Variants in FGFR1 observed in about 807,000 individuals in gnomAD.
FGFR1 encodes fibroblast growth factor receptor 1.
FGFR1 carries 18 observed loss-of-function variants against 93.7 expected under a neutral mutation model. That is an observed-to-expected ratio of 0.19 (90% confidence interval 0.13 to 0.28). FGFR1 has a LOEUF of 0.28. Ranked by LOEUF, FGFR1 falls within the 10% of genes least tolerant of loss-of-function variation. The pLI, the probability that FGFR1 is intolerant of heterozygous loss-of-function variation, is 1.00. For synonymous variants in FGFR1, 448 were observed against 429.3 expected, an observed-to-expected ratio of 1.04 and a Z score of -0.54; for missense variants, 731 against 1,080.4, an observed-to-expected ratio of 0.68 and a Z score of 4.53.
rs544480396 is a variant in FGFR1, at chr8:38,428,262, C to T, written c.448+84G>A. The T allele has an allele frequency of 7.9e-4, 1,190 of 1,506,380 alleles. 3 individuals carry two copies. Among genetic ancestry groups the T allele is most frequent in the Non-Finnish European group, 1.0e-3 (1,129 of 1,082,704 alleles). The allele number at this position is 1,506,380 out of a possible 1,614,324, so 93.3% of individuals were successfully genotyped here. A position where few individuals can be genotyped will look rare whatever the true frequency, so the allele number is the denominator to read the frequency against. Reference sequence around the variant, plus strand: ...GCACCGTGACCCCATGTGCCCTCCTCTTCCTCCCCTTTCAGCCTTCCCCTC... The same window carrying T: ...GCACCGTGACCCCATGTGCCCTCCTTTTCCTCCCCTTTCAGCCTTCCCCTC... On this transcript the variant is annotated intron_variant, in intron 4 of 17. Transcript: ENST00000447712.
Position 38,429,878 on chromosome 8 carries a change from G to C in FGFR1, c.162C>G (p.Arg54=), listed in dbSNP as rs753522905. 1 of 1,614,032 alleles carries C rather than the reference G, an allele frequency of 6.2e-7. No individual in the cohort carries two copies. Among genetic ancestry groups the C allele is most frequent in the Non-Finnish European group, 8.5e-7 (1 of 1,180,018 alleles). ...TCTGCACATCGTCCCGCAGCCGACA[G>C]CGAAGCTGCAGCAGGTCACCGGGGT... The part of the protein sequence containing the change: ...LVHPGDLLQL[R]CRLRDDVQSI... The change falls in exon 3 of 18, where the codon CGC becomes CGG. Residue 54 remains arginine, a synonymous_variant. Transcript: ENST00000447712. The surrounding 1 kb of genome is among the most constrained non-coding windows in gnomAD (Gnocchi z 4.4).
chr8:38,435,081 G>A (rs1824806168), intron 2 of FGFR1: 1 of 152,176 alleles, frequency 6.6e-6, no homozygotes, highest in Non-Finnish European at 1.5e-5. Flanking sequence ...TGCTGGTCAG[G>A]CTGGTCTCGA....
intron 6 of FGFR1, 138 bp downstream of exon 6, chr8:38,425,984 C>G (rs1330502667): frequency 7.2e-6 from 8 of 1,118,250 alleles, no homozygotes; most frequent in Non-Finnish European, 9.5e-6. Flanking sequence ...GAGAAGTGAC[C>G]TGCTCAAGGT....
rs1218174256 is a variant in FGFR1 at position 38,468,194 on chromosome 8, C to T, written c.-302G>A. On this transcript the variant is annotated 5_prime_UTR_variant, in exon 1 of 18. Transcript: ENST00000447712. ...GGAACAATGGAGCCGGAGCTGGTGCCCCGGAGGCGGGGCGGGGGGAGGGCT... is the reference window on the plus strand; with the variant it reads ...GGAACAATGGAGCCGGAGCTGGTGCTCCGGAGGCGGGGCGGGGGGAGGGCT... 8 of 228,744 alleles carry T rather than the reference C, an allele frequency of 3.5e-5. No individual in the cohort carries two copies. The highest frequency in any genetic ancestry group is 7.0e-5 in the Non-Finnish European group (8 of 114,996). The allele number at this position is 228,744 out of a possible 1,614,324, so 14.2% of individuals were successfully genotyped here.
At chr8:38,417,681 GAACAGAGTGACGTCATAGAAC>G (rs1401194002) in intron 11 of FGFR1, among the ~76,000 whole-genome samples, 168 bp downstream of exon 11, 2 of 152,112 alleles carry the variant, frequency 1.3e-5, no homozygotes, top group African/African-American at 4.8e-5. Flanking sequence ...TGACGCCAAG[GAACAGAGTGACGTCATAGAAC>G]AATCTCAAGG....
intron 2 of FGFR1, among the ~76,000 whole-genome samples, chr8:38,442,389 G>GTGTGTGTGTGTC (rs1382498208): frequency 6.6e-5 from 10 of 152,146 alleles, no homozygotes; most frequent in African/African-American, 2.4e-4. Flanking sequence ...GTGTGTGTGT[G>GTGTGTGTGTGTC]TGTGTGCAGG....
chr8:38,454,672 C>A (rs1435745159), intron 2 of FGFR1, among the ~76,000 whole-genome samples: 1 of 152,230 alleles, frequency 6.6e-6, no homozygotes, highest in Non-Finnish European at 1.5e-5. Context: ...GCAATAGCAA[C>A]TATTAACACC....
intron 2 of FGFR1, among the ~76,000 whole-genome samples, chr8:38,454,031 T>A (rs1042624655): frequency 4.6e-5 from 7 of 152,108 alleles, no homozygotes; most frequent in Non-Finnish European, 8.8e-5. Flanking sequence ...AGTTGATTTT[T>A]AAAAAATGGT....
Position 38,424,189 on chromosome 8 carries a change from G to A in FGFR1, c.936+320C>T. The A allele has an allele frequency of 2.0e-6, 1 of 490,312 alleles. No individual in the cohort carries two copies. The highest frequency in any genetic ancestry group is 3.9e-6 in the Non-Finnish European group (1 of 256,764). The allele number at this position is 490,312 out of a possible 1,614,324, so 30.4% of individuals were successfully genotyped here. On this transcript the variant is annotated intron_variant, in intron 7 of 17. Coordinates refer to ENST00000447712, the MANE Select transcript of FGFR1 (RefSeq NM_023110.3). This position sits in a 1 kb window ranked among gnomAD's most constrained non-coding sequence, Gnocchi z 4.3. ...GCTTGGTGGAAAGGCTCTGGTTTCG[G>A]GCAATGAAAAGGCAGGGGTCCAAAT...
intron 2 of FGFR1, among the ~76,000 whole-genome samples, chr8:38,437,097 C>G (rs1350352031): frequency 2.0e-5 from 3 of 152,184 alleles, no homozygotes; most frequent in Non-Finnish European, 2.9e-5. Flanking sequence ...CCAGGCTGGT[C>G]TTGAACTCCT....
chr8:38,458,075 G>A (rs1163668833), intron 1 of FGFR1, among the ~76,000 whole-genome samples: 1 of 152,164 alleles, frequency 6.6e-6, no homozygotes, highest in East Asian at 1.9e-4. Context: ...GCAAGCCTGG[G>A]AATACCATCA....
At chr8:38,451,225 A>G (rs528089355) in intron 2 of FGFR1, among the ~76,000 whole-genome samples, 43 of 152,174 alleles carry the variant, frequency 2.8e-4, no homozygotes, top group African/African-American at 8.4e-4. Flanking sequence ...TCTTTTCATC[A>G]TAAGAAATCA....
At chr8:38,459,251 T>C (rs1334455703) in intron 1 of FGFR1, among the ~76,000 whole-genome samples, 1 of 152,302 alleles carries the variant, frequency 6.6e-6, no homozygotes, top group Admixed American at 6.5e-5. Context: ...GAGAATCTAC[T>C]TCCCCGGAAC....
At chr8:38,458,058 A>G (rs1446350376) in intron 1 of FGFR1, among the ~76,000 whole-genome samples, 1 of 152,218 alleles carries the variant, frequency 6.6e-6, no homozygotes, top group African/African-American at 2.4e-5. Context: ...TTGAGTGCAG[A>G]TTACGTGCAA....
rs1257228689 is a variant in FGFR1 at position 38,429,240 on chromosome 8, G to A, written c.358+442C>T. 8 of 474,764 alleles carry A rather than the reference G, an allele frequency of 1.7e-5. No homozygotes were observed. Among genetic ancestry groups the A allele is most frequent in the Admixed American group, 4.6e-5 (2 of 43,394 alleles). 29.4% of individuals were successfully genotyped at this position (474,764 alleles called of 1,614,324 possible). On this transcript the variant is annotated intron_variant, in intron 3 of 17. Coordinates refer to ENST00000447712, the MANE Select transcript of FGFR1 (RefSeq NM_023110.3). This position sits in a 1 kb window ranked among gnomAD's most constrained non-coding sequence, Gnocchi z 4.4. The stretch of plus-strand genomic sequence containing the variant: ...GGCTGCCCTCGCACAGCTCCCTTGC[G>A]GTGCACCTGGGTTCCTCTCCAGCAG...
intron 2 of FGFR1, among the ~76,000 whole-genome samples, chr8:38,444,337 C>T (rs781276644): frequency 2.0e-5 from 3 of 151,762 alleles, no homozygotes; most frequent in African/African-American, 4.8e-5. Flanking sequence ...ACAACATGAA[C>T]GTTGAGCATT....
chr8:38,466,368 G>C (rs1019759014), intron 1 of FGFR1, among the ~76,000 whole-genome samples: 1 of 152,230 alleles, frequency 6.6e-6, no homozygotes, highest in Non-Finnish European at 1.5e-5. Context: ...GCAACGCTTT[G>C]GTTCCAGAAA....
intron 2 of FGFR1, among the ~76,000 whole-genome samples, chr8:38,437,859 T>G (rs1400779921): frequency 1.3e-5 from 2 of 152,194 alleles, no homozygotes; most frequent in Non-Finnish European, 2.9e-5. Context: ...GAAATACCGC[T>G]TCACCAGCCC....
chr8:38,430,599 G>C (rs1165213454), intron 2 of FGFR1: 2 of 152,778 alleles, frequency 1.3e-5, no homozygotes, highest in Admixed American at 6.5e-5. Flanking sequence ...ACAGGTGTCA[G>C]GGCAGGGGAT....
Sources: gnomAD v4.1 joint callset for allele counts (sites outside exome capture counted in the v4.1 genomes callset) on GRCh38, gnomAD v4.1.1 for gene constraint, Gnocchi (gnomAD v3.1) non-coding constraint, MANE v1.5 for transcripts, NCBI Gene and HGNC (gene_info 2026-07-23, HGNC 2026-07-21) for gene names.